The following KIF16B variants were observed in gnomAD, a reference collection of about 807,000 sequenced individuals.
The protein encoded by KIF16B is kinesin family member 16B.
KIF16B carries 98 observed loss-of-function variants against 156.3 expected under a neutral mutation model. That is an observed-to-expected ratio of 0.63 (90% confidence interval 0.53 to 0.74). The LOEUF is 0.74. Among genes scored for constraint, KIF16B ranks in the 30% least tolerant of loss-of-function variants. KIF16B has a pLI of 0.00. For synonymous variants in KIF16B, 564 were observed against 583.7 expected, an observed-to-expected ratio of 0.97 and a Z score of 0.49; for missense variants, 1,421 against 1,606.5, an observed-to-expected ratio of 0.88 and a Z score of 1.97.
chr20:16,404,720 G>C, intron 17 of KIF16B, 93 bp downstream of exon 17: 1 of 974,534 alleles, frequency 1.0e-6, no homozygotes, highest in South Asian at 1.4e-5. Context: ...CGCCGTTGCA[G>C]AAGTTTTATT....
intron 24 of KIF16B, among the ~76,000 whole-genome samples, chr20:16,313,050 C>T (rs1228772572): frequency 6.6e-6 from 1 of 152,122 alleles, no homozygotes; most frequent in Non-Finnish European, 1.5e-5. Context: ...TTCTCTTATG[C>T]TTTTCCTCTT....
chr20:16,442,866 G>A (rs904301557), intron 12 of KIF16B, among the ~76,000 whole-genome samples: 23 of 152,106 alleles, frequency 1.5e-4, no homozygotes, highest in Admixed American at 9.8e-4. Context: ...AGGAAGAAAA[G>A]AAGGAAAAGG....
At chr20:16,357,550 C>G (rs1232905282) in intron 22 of KIF16B, among the ~76,000 whole-genome samples, 3 of 152,174 alleles carry the variant, frequency 2.0e-5, no homozygotes, top group African/African-American at 7.2e-5. Context: ...TTTTAAGATG[C>G]TGAGAATTCC....
At position 16,507,170 on chromosome 20, in the gene KIF16B, A is replaced by T. The variant is rs371917147; in HGVS notation, c.699+788T>A. Among the ~76,000 whole-genome samples, 35 of 152,270 alleles carry T rather than the reference A, an allele frequency of 2.3e-4. No homozygotes were observed. In the South Asian group the frequency reaches 7.1e-3, roughly 31 times the overall value. On this transcript the variant is annotated intron_variant, in intron 7 of 25. Coordinates refer to ENST00000354981, the MANE Select transcript of KIF16B (RefSeq NM_024704.5). ...TAACCAGAAAGCAGGAGAAAAACCA[A>T]TCAACTTGAGTAAATCTAAAGGAAA...
At chr20:16,376,689 G>C (rs185474217) in intron 19 of KIF16B, among the ~76,000 whole-genome samples, 1 of 152,122 alleles carries the variant, frequency 6.6e-6, no homozygotes, top group Admixed American at 6.6e-5. Context: ...AATCACTTCC[G>C]TGGAAACTGC....
chr20:16,336,056 C>T, intron 23 of KIF16B, 41 bp from the exon 24 acceptor site: 1 of 1,178,392 alleles, frequency 8.5e-7, no homozygotes, highest in Non-Finnish European at 1.2e-6. Context: ...CATTAAGAAG[C>T]AAAAGTCACT....
intron 23 of KIF16B, among the ~76,000 whole-genome samples, chr20:16,342,611 C>T (rs1039776805): frequency 2.0e-5 from 3 of 152,108 alleles, no homozygotes; most frequent in African/African-American, 7.2e-5. Flanking sequence ...GAATATGGTG[C>T]ACTCTCAATA....
At chr20:16,347,338 G>A (rs1275926035) in intron 23 of KIF16B, among the ~76,000 whole-genome samples, 4 of 152,260 alleles carry the variant, frequency 2.6e-5, no homozygotes, top group Middle Eastern at 3.4e-3. Context: ...AACCAAGGAA[G>A]GAGGAATACT....
intron 25 of KIF16B, among the ~76,000 whole-genome samples, chr20:16,289,622 G>T (rs141928799): frequency 0.029 from 4,441 of 152,302 alleles, 65 homozygotes; most frequent in Middle Eastern, 0.048. Flanking sequence ...GGTAGGCCGA[G>T]GCGGACGGAT....
chr20:16,497,729 T>C (rs1387068332), intron 10 of KIF16B, 51 bp from the exon 11 acceptor site: 1 of 1,324,296 alleles, frequency 7.6e-7, no homozygotes, highest in East Asian at 2.3e-5. Flanking sequence ...AGCAATAATC[T>C]AGGTTTTTCC....
intron 12 of KIF16B, among the ~76,000 whole-genome samples, chr20:16,492,029 G>A (rs2068309365): frequency 6.6e-6 from 1 of 152,158 alleles, no homozygotes; most frequent in African/African-American, 2.4e-5. Context: ...CACCATGAGA[G>A]GGGGTTTGTA....
intron 1 of KIF16B, among the ~76,000 whole-genome samples, chr20:16,550,823 G>A (rs1234541735): frequency 2.6e-5 from 4 of 152,004 alleles, no homozygotes; most frequent in South Asian, 2.1e-4. Flanking sequence ...GAGCCACCAC[G>A]CCTGGCCGAA....
rs1168736578 is a variant in KIF16B, at chr20:16,379,656, C to T, written c.2346G>A (p.Gly782=). 2 of 1,614,068 alleles carry T rather than the reference C, an allele frequency of 1.2e-6. No individual in the cohort carries two copies. Among genetic ancestry groups the T allele is most frequent in the Non-Finnish European group, 1.7e-6 (2 of 1,180,048 alleles). ...TCTCCTCTTCCACCCACTGTACCTC[C>T]CCACGCCGCAGGAGCTGGATCATCT... ...KQEMIQLLRR[G]EVQWVEEEKR... The change falls in exon 19 of 26, where the codon GGG becomes GGA. Residue 782 remains glycine, a synonymous_variant. Coordinates refer to ENST00000354981, the MANE Select transcript of KIF16B (RefSeq NM_024704.5).
At chr20:16,520,397 T>C (rs2069303121) in intron 3 of KIF16B, among the ~76,000 whole-genome samples, 1 of 152,132 alleles carries the variant, frequency 6.6e-6, no homozygotes, top group Admixed American at 6.5e-5. Context: ...CCTCACAGTG[T>C]AAACAAAGCC....
chr20:16,468,631 C>A (rs964050418), intron 12 of KIF16B, among the ~76,000 whole-genome samples: 2 of 133,036 alleles, frequency 1.5e-5, no homozygotes, highest in Non-Finnish European at 3.3e-5. Context: ...GGGATCAATA[C>A]TCCAAAACTA....
intron 1 of KIF16B, among the ~76,000 whole-genome samples, chr20:16,569,108 T>C (rs1452790998): frequency 1.3e-5 from 2 of 152,116 alleles, no homozygotes; most frequent in Admixed American, 1.3e-4. Flanking sequence ...GAACCTACCA[T>C]GTATGAGGAC....
At chr20:16,333,475 C>T (rs1304559688) in intron 24 of KIF16B, among the ~76,000 whole-genome samples, 1 of 152,228 alleles carries the variant, frequency 6.6e-6, no homozygotes, top group Non-Finnish European at 1.5e-5. Flanking sequence ...GTTCACCATG[C>T]AGAGTTGCTC....
chr20:16,440,260 C>T (rs1383682914), intron 12 of KIF16B, among the ~76,000 whole-genome samples: 1 of 152,054 alleles, frequency 6.6e-6, no homozygotes, highest in African/African-American at 2.4e-5. Flanking sequence ...TTTTAATGCT[C>T]CTTGCCAGTC....
intron 25 of KIF16B, among the ~76,000 whole-genome samples, chr20:16,310,209 A>G (rs1018753780): frequency 1.3e-5 from 2 of 152,254 alleles, no homozygotes; most frequent in South Asian, 4.1e-4. Flanking sequence ...ATAATGCCAC[A>G]GATAAATAAC....
Sources: gnomAD v4.1 joint callset for allele counts (sites outside exome capture counted in the v4.1 genomes callset) on GRCh38, gnomAD v4.1.1 for gene constraint, MANE v1.5 for transcripts, NCBI Gene and HGNC (gene_info 2026-07-23, HGNC 2026-07-21) for gene names.